The following CUBN variants were observed in gnomAD, a reference collection of about 807,000 sequenced individuals.
The protein encoded by CUBN is 460 kDa receptor.
Under a neutral mutation model 405.3 loss-of-function variants are expected in CUBN, and 282 were observed. That is an observed-to-expected ratio of 0.70 (90% confidence interval 0.63 to 0.77). The LOEUF (loss-of-function observed/expected upper bound fraction) is 0.77, where lower values mean the gene tolerates loss of function less well. Ranked by LOEUF, CUBN falls within the 30% of genes least tolerant of loss-of-function variation. The pLI is 0.00. For synonymous variants in CUBN, 1,684 were observed against 1,617.0 expected, an observed-to-expected ratio of 1.04 and a Z score of -0.99; for missense variants, 4,514 against 4,475.2, an observed-to-expected ratio of 1.01 and a Z score of -0.25.
intron 27 of CUBN, among the ~76,000 whole-genome samples, chr10:17,037,668 C>T (rs1297666413): frequency 1.3e-5 from 2 of 152,134 alleles, no homozygotes; most frequent in Admixed American, 6.5e-5. Context: ...GTCCCACACA[C>T]GTGAACTAGA....
intron 4 of CUBN, among the ~76,000 whole-genome samples, chr10:17,124,212 T>C (rs1338117065): frequency 6.6e-6 from 1 of 152,092 alleles, no homozygotes; most frequent in African/African-American, 2.4e-5. Context: ...TTGTTAGAAA[T>C]GTGGCCAGCT....
intron 17 of CUBN, among the ~76,000 whole-genome samples, chr10:17,079,406 T>C (rs1835922518): frequency 6.6e-6 from 1 of 151,704 alleles, no homozygotes; most frequent in Non-Finnish European, 1.5e-5. Context: ...TGGCTACTTT[T>C]TTGTATTTTT....
rs764503775 is a variant in CUBN, at chr10:17,019,878, C to T, written c.4123G>A (p.Val1375Ile). ...TGAAATCCTTTCTCACGGCGGCCAA[C>T]CCCATCTGTAAGGAGCAGCACTTGA... ...KLQVLLLTDGVGRREKGFQMQ... is the reference protein window; with the variant it reads ...KLQVLLLTDGIGRREKGFQMQ... The change falls in exon 28 of 67, where the codon GTT (valine) becomes ATT (isoleucine). Residue 1375 changes from valine (V) to isoleucine (I), a missense_variant. By Grantham distance (29) the Val-to-Ile change is conservative. Around this residue, in one of 5 missense-constraint regions of CUBN, gnomAD observed 242 missense variants for 309.0 expected, o/e 0.78. Transcript: ENST00000377833. The T allele has an allele frequency of 5.6e-6, 9 of 1,614,154 alleles. 1 individual carries two copies. The South Asian group carries it at 9.9e-5, about 18-fold the overall frequency.
chr10:17,056,727 G>A (rs1835404990), intron 22 of CUBN, among the ~76,000 whole-genome samples: 1 of 152,114 alleles, frequency 6.6e-6, no homozygotes, highest in African/African-American at 2.4e-5. Context: ...AGGATATATT[G>A]AACTTCTGTT....
intron 54 of CUBN, among the ~76,000 whole-genome samples, chr10:16,897,739 A>G (rs1035626333): frequency 3.3e-5 from 5 of 152,134 alleles, no homozygotes; most frequent in Admixed American, 3.3e-4. Context: ...GTCCACCCAC[A>G]CAGCATTTCT....
chr10:16,930,687 T>C (rs1185602243), intron 40 of CUBN, among the ~76,000 whole-genome samples: 1 of 152,200 alleles, frequency 6.6e-6, no homozygotes, highest in Non-Finnish European at 1.5e-5. Context: ...TTTTGAACCA[T>C]GGCAACTCTA....
At chr10:16,986,203 C>T (rs969348784) in intron 29 of CUBN, among the ~76,000 whole-genome samples, 7 of 152,206 alleles carry the variant, frequency 4.6e-5, no homozygotes, top group African/African-American at 1.2e-4. Context: ...CATGTACAGG[C>T]ACTCAGGACC....
chr10:16,892,594 T>G (rs1216308153), intron 54 of CUBN, among the ~76,000 whole-genome samples: 2 of 152,074 alleles, frequency 1.3e-5, no homozygotes, highest in East Asian at 3.9e-4. Context: ...TGGACTCAGG[T>G]GATCTTCCCA....
At position 16,890,408 on chromosome 10, in the gene CUBN, C is replaced by T. The variant is rs1173526237; in HGVS notation, c.8718G>A (p.Glu2906=). The change falls in exon 55 of 67, where the codon GAG becomes GAA. Residue 2906 remains glutamate, a synonymous_variant. Transcript: ENST00000377833. ...ACGCGGAGAAGCCCTGAGCTGGTGC[C>T]TCCTGAGACTGGAAGACGGCAGTGA... is the stretch of plus-strand genomic sequence containing the variant. The part of the protein sequence containing the change: ...NTFTAVFQSQ[E]APAQGFSASF... The T allele has an allele frequency of 1.9e-6, 3 of 1,613,954 alleles. No homozygotes were observed. Among genetic ancestry groups the T allele is most frequent in the African/African-American group, 1.3e-5 (1 of 75,028 alleles).
intron 27 of CUBN, among the ~76,000 whole-genome samples, chr10:17,028,475 C>T (rs544773405): frequency 5.3e-5 from 8 of 151,946 alleles, no homozygotes; most frequent in African/African-American, 1.9e-4. Context: ...AATCCCAGCA[C>T]TTTGGGAGGC....
intron 34 of CUBN, 142 bp from the exon 35 acceptor site, chr10:16,948,748 G>T (rs2131622490): frequency 2.1e-6 from 2 of 969,212 alleles, no homozygotes; most frequent in Non-Finnish European, 3.2e-6. Flanking sequence ...TTCATTCAGG[G>T]TCAATGTTTG....
intron 66 of CUBN, among the ~76,000 whole-genome samples, chr10:16,825,362 A>C (rs1304274860): frequency 6.6e-6 from 1 of 152,096 alleles, no homozygotes. Flanking sequence ...GGCTGTGCTG[A>C]TAATGGCCGC....
Position 17,088,359 on chromosome 10 carries a change from G to C in CUBN, c.1766-14C>G. ...TACCTCCACACTCTAAAATAAGAGGGAAAAATAATGTTACATTTGTATAGA... is the reference window on the plus strand; with the variant it reads ...TACCTCCACACTCTAAAATAAGAGGCAAAAATAATGTTACATTTGTATAGA... On this transcript the variant is annotated splice_polypyrimidine_tract_variant and intron_variant, in intron 14 of 66. Coordinates refer to ENST00000377833, the MANE Select transcript of CUBN (RefSeq NM_001081.4). 6.3e-7 allele frequency: 1 copy of C among 1,594,858 alleles called. No individual in the cohort carries two copies. Among genetic ancestry groups the C allele is most frequent in the Non-Finnish European group, 8.6e-7 (1 of 1,162,778 alleles).
intron 6 of CUBN, among the ~76,000 whole-genome samples, chr10:17,119,273 T>A (rs889245415): frequency 3.3e-5 from 5 of 152,216 alleles, no homozygotes; most frequent in Non-Finnish European, 7.3e-5. Context: ...TTTTTGTTTT[T>A]CTGGAAAGCC....
chr10:17,069,241 G>A (rs533816874), intron 19 of CUBN, among the ~76,000 whole-genome samples: 3 of 152,248 alleles, frequency 2.0e-5, no homozygotes, highest in Non-Finnish European at 4.4e-5. Context: ...TAAAAATAAT[G>A]ATTGCATTTT....
At chr10:16,855,004 C>A (rs553683937) in intron 59 of CUBN, among the ~76,000 whole-genome samples, 1 of 134,614 alleles carries the variant, frequency 7.4e-6, no homozygotes, top group Non-Finnish European at 1.6e-5. Flanking sequence ...TTCCTTTTTT[C>A]TCTCTCTCTC....
Position 17,115,620 on chromosome 10 carries a change from A to G in CUBN, c.594-23T>C, listed in dbSNP as rs369720155. ...CAACTGTTGGTTACACAAGAGCACA[A>G]TGTCAGGGCACGCGCTTTGGGGCCA... is the stretch of plus-strand genomic sequence containing the variant. On this transcript the variant is annotated intron_variant, in intron 6 of 66. Transcript: ENST00000377833. 32 of 1,613,938 alleles carry G rather than the reference A, an allele frequency of 2.0e-5. No individual in the cohort carries two copies. The South Asian group carries it at 2.2e-4, about 11-fold the overall frequency.
intron 13 of CUBN, 109 bp downstream of exon 13, chr10:17,103,016 A>G: frequency 4.0e-6 from 3 of 755,866 alleles, no homozygotes; most frequent in Non-Finnish European, 6.9e-6. Flanking sequence ...CACTCAATAT[A>G]TGATAGTTGA....
chr10:17,071,925 G>C lies in CUBN; in HGVS notation c.2348C>G (p.Thr783Ser). Residue 783 changes from threonine to serine, a missense_variant, in exon 18 of 67, where the codon ACC (threonine) becomes AGC (serine). Around this residue, in one of 5 missense-constraint regions of CUBN, gnomAD observed 1,448 missense variants for 1,388.0 expected, o/e 1.04. Coordinates refer to ENST00000377833, the MANE Select transcript of CUBN (RefSeq NM_001081.4). ...AGTAATGGATTTAATGTGAGAGATGGTTCCGTTGCCACAGACTTTTCCAAG... is the reference window on the plus strand; with the variant it reads ...AGTAATGGATTTAATGTGAGAGATGCTTCCGTTGCCACAGACTTTTCCAAG... ...TLLGKVCGNGTISHIKSITNS... is the reference protein window; with the variant it reads ...TLLGKVCGNGSISHIKSITNS... 6.2e-7 allele frequency: 1 copy of C among 1,613,106 alleles called. No individual in the cohort carries two copies. The highest frequency in any genetic ancestry group is 8.5e-7 in the Non-Finnish European group (1 of 1,179,592).
Sources: allele counts gnomAD v4.1 joint callset (sites outside exome capture counted in the v4.1 genomes callset), GRCh38; gene constraint gnomAD v4.1.1; regional missense constraint gnomAD v4.1.1; transcripts MANE v1.5; gene names NCBI Gene and HGNC (gene_info 2026-07-23, HGNC 2026-07-21).